Variants in NEB observed in about 807,000 individuals in gnomAD.
NEB encodes nebulin.
In NEB, 512 loss-of-function variants were observed where a neutral mutation model predicts 952.2. The observed-to-expected ratio is 0.54, with a 90% CI of 0.50 to 0.58. NEB has a LOEUF of 0.58. Among genes scored for constraint, NEB ranks in the 20% least tolerant of loss-of-function variants. The pLI is 0.00. For missense variants in NEB, 8,428 were observed against 9,231.1 expected (o/e 0.91, Z 3.56); for synonymous variants, 2,900 against 3,149.8 (o/e 0.92, Z 2.66).
In NEB at chr2:151,656,386, C is replaced by T. The variant is rs747729019; in HGVS notation, c.6262G>A (p.Val2088Ile). 3.7e-6 allele frequency: 6 copies of T among 1,613,642 alleles called. No individual in the cohort carries two copies. The Admixed American group carries it at 5.0e-5, about 13-fold the overall frequency. Residue 2088 changes from valine (V) to isoleucine (I), a missense_variant, in exon 49 of 182, where the codon GTC becomes ATC. By Grantham distance (29) the Val-to-Ile change is conservative. Around this residue, in one of 11 missense-constraint regions of NEB, gnomAD observed 2,851 missense variants for 2,791.5 expected, o/e 1.02. Coordinates refer to ENST00000397345, the MANE Select transcript of NEB (RefSeq NM_001164508.2). ...FRSLEDDPKL[V>I]HSMQVAKMQS... ...ATCTTAGCCACTTGCATGGAATGGA[C>T]TAATTTGGGATCATCCTCGAGACTG...
In NEB at chr2:151,576,020, C is replaced by T. The variant is rs1405612499; in HGVS notation, c.16908+131G>A. 10 of 773,562 alleles carry T rather than the reference C, an allele frequency of 1.3e-5. No individual in the cohort carries two copies. The South Asian group carries it at 2.0e-4, about 15-fold the overall frequency. 47.9% of individuals were successfully genotyped at this position (773,562 alleles called of 1,614,324 possible). A position where few individuals can be genotyped will look rare whatever the true frequency, so the allele number is the denominator to read the frequency against. On this transcript the variant is annotated intron_variant, in intron 106 of 181. Transcript: ENST00000397345. Reference sequence around the variant, plus strand: ...CTTAAAATTAATAAGCAAACCAAGACAATACTGTATTACTTAATAAAATTT... The same window carrying T: ...CTTAAAATTAATAAGCAAACCAAGATAATACTGTATTACTTAATAAAATTT...
intron 170 of NEB, 156 bp from the exon 171 acceptor site, chr2:151,497,874 A>C (rs2061358921): frequency 3.3e-6 from 5 of 1,503,900 alleles, no homozygotes; most frequent in Non-Finnish European, 4.4e-6. Flanking sequence ...TGTTGTTGGG[A>C]TAGGGAATCT....
chr2:151,664,948 T>C (rs1163529761), intron 42 of NEB, 85 bp from the exon 43 acceptor site: 5 of 968,748 alleles, frequency 5.2e-6, no homozygotes, highest in East Asian at 5.2e-5. Flanking sequence ...TACAACTCCA[T>C]GGTAAAAGAG....
chr2:151,676,498 A>G (rs368577765), intron 34 of NEB, among the ~76,000 whole-genome samples: 2 of 152,116 alleles, frequency 1.3e-5, no homozygotes, highest in South Asian at 4.1e-4. Context: ...CATATTCAAC[A>G]TCTCTTCTTA....
In NEB at chr2:151,697,613, T is replaced by C; in HGVS notation, c.1188A>G (p.Ala396=). The C allele has an allele frequency of 1.9e-6, 3 of 1,611,230 alleles. No homozygotes were observed. The highest frequency in any genetic ancestry group is 2.2e-5 in the South Asian group (2 of 90,198). ...LYKENYEKTK[A]KSINYCETPK... is the part of the protein sequence containing the mutation. The stretch of plus-strand genomic sequence containing the variant: ...GGGTCTCGCAGTAATTTATGCTCTT[T>C]GCTTTTGTCTTTTCATAGTTTTCCT... Residue 396 remains alanine, a synonymous_variant, in exon 14 of 182, where the codon GCA becomes GCG. Coordinates refer to ENST00000397345, the MANE Select transcript of NEB (RefSeq NM_001164508.2).
In NEB at chr2:151,546,018, AC is replaced by A. The variant is rs1460891733; in HGVS notation, c.20467-21del. Reference sequence around the variant, plus strand: ...ATTAGACTTAAAAAAAAAAAAAAAAACAGAAATACAAGTTGATTAATCATTT... The same window carrying A: ...ATTAGACTTAAAAAAAAAAAAAAAAAAGAAATACAAGTTGATTAATCATTT... On this transcript the variant is annotated intron_variant, in intron 134 of 181. Transcript: ENST00000397345. 27 of 1,335,232 alleles carry A rather than the reference AC, an allele frequency of 2.0e-5. No individual in the cohort carries two copies. Among genetic ancestry groups the A allele is most frequent in the Non-Finnish European group, 2.7e-5 (26 of 957,044 alleles). 82.7% of individuals were successfully genotyped at this position (1,335,232 alleles called of 1,614,324 possible).
chr2:151,647,652 A>G (rs902140843), intron 54 of NEB, among the ~76,000 whole-genome samples: 1 of 152,178 alleles, frequency 6.6e-6, no homozygotes, highest in Non-Finnish European at 1.5e-5. Context: ...ATCTGAGTCT[A>G]TCACAGGAAC....
chr2:151,568,174 A>G lies in NEB; in HGVS notation c.17741T>C (p.Leu5914Pro). Reference protein sequence around the residue: ...QEAARILDQYLYKEGWERQKA... With the variant: ...QEAARILDQYPYKEGWERQKA... ...TTGTCTCTCCCAGCCTTCCTTGTAG[A>G]GATACTGAAAGACAGAGCCACCATA... The change falls in exon 113 of 182, where the codon CTC (leucine) becomes CCC (proline). Residue 5914 changes from leucine (L) to proline (P), a missense_variant. By Grantham distance (98) the Leu-to-Pro change is moderately conservative (BLOSUM62 -3). Transcript: ENST00000397345. 1 of 1,612,666 alleles carries G rather than the reference A, an allele frequency of 6.2e-7. No individual in the cohort carries two copies. The highest frequency in any genetic ancestry group is 8.5e-7 in the Non-Finnish European group (1 of 1,179,098).
At chr2:151,564,075 G>T in intron 117 of NEB, 145 bp from the exon 118 acceptor site, 1 of 510,572 alleles carries the variant, frequency 2.0e-6, no homozygotes, top group Non-Finnish European at 3.5e-6. Flanking sequence ...CATCTACCTA[G>T]AATAGGGCAG....
rs2152617856 is a variant in NEB, at chr2:151,485,856, T to G, written c.25482A>C (p.Ile8494=). The G allele has an allele frequency of 1.2e-6, 2 of 1,614,038 alleles. No individual in the cohort carries two copies. Among genetic ancestry groups the G allele is most frequent in the Non-Finnish European group, 8.5e-7 (1 of 1,179,876 alleles). ...AGCCTTCATCAATTGCTTGAACATT[T>G]ATGATGGCATCTCCATCCTTGAAGG... ...EVSFKDGDAI[I]NVQAIDEGWM... is the part of the protein sequence containing the mutation. The change falls in exon 182 of 182, where the codon ATA becomes ATC. Residue 8494 remains isoleucine (I), a synonymous_variant. Coordinates refer to ENST00000397345, the MANE Select transcript of NEB (RefSeq NM_001164508.2).
At position 151,501,528 on chromosome 2, in the gene NEB, T is replaced by C. The variant is rs115394251; in HGVS notation, c.23929-45A>G. Reference sequence around the variant, plus strand: ...AAACAAATCAACCTGGACCCATCATTTTTTAGGTAGACTTAACCTAAAAAA... The same window carrying C: ...AAACAAATCAACCTGGACCCATCATCTTTTAGGTAGACTTAACCTAAAAAA... On this transcript the variant is annotated intron_variant, in intron 167 of 181. Coordinates refer to ENST00000397345, the MANE Select transcript of NEB (RefSeq NM_001164508.2). 0.011 allele frequency: 13,075 copies of C among 1,155,992 alleles called. 657 individuals are homozygous for C. The East Asian group carries it at 0.14, about 12-fold the overall frequency. 71.6% of individuals were successfully genotyped at this position (1,155,992 alleles called of 1,614,324 possible).
intron 171 of NEB, 69 bp from the exon 172 acceptor site, chr2:151,497,102 G>A (rs923412029): frequency 1.3e-6 from 2 of 1,506,270 alleles, no homozygotes; most frequent in African/African-American, 1.4e-5. Context: ...GGTTTTAAGG[G>A]TAAGGTCAGC....
intron 55 of NEB, among the ~76,000 whole-genome samples, chr2:151,645,297 T>A (rs537285801): frequency 1.3e-5 from 2 of 152,248 alleles, no homozygotes; most frequent in East Asian, 1.9e-4. Context: ...GCCTAAGGGG[T>A]TATCTCTTCT....
chr2:151,671,340 C>A, intron 37 of NEB, 111 bp from the exon 38 acceptor site: 3 of 847,174 alleles, frequency 3.5e-6, no homozygotes, highest in Non-Finnish European at 5.5e-6. Context: ...TCAGCATGCT[C>A]ATGTCTGACT....
intron 10 of NEB, among the ~76,000 whole-genome samples, chr2:151,710,777 T>C (rs1007797165): frequency 2.6e-5 from 4 of 152,160 alleles, no homozygotes; most frequent in Non-Finnish European, 4.4e-5. Flanking sequence ...CTTGCTGAGT[T>C]TGGGGACTTC....
rs1485418922 is a variant in NEB, at chr2:151,687,704, G to T, written c.2445C>A (p.Ser815Arg). The change falls in exon 26 of 182, where the codon AGC becomes AGA. Residue 815 changes from serine (S) to arginine (R), a missense_variant. Around this residue, in one of 11 missense-constraint regions of NEB, gnomAD observed 2,851 missense variants for 2,791.5 expected, o/e 1.02. Transcript: ENST00000397345. Reference sequence around the variant, plus strand: ...CTTTAATGTCAAACTTCTTGGCTTTGCTCTTCTCCCAGTCTTGCTTATAAA... The same window carrying T: ...CTTTAATGTCAAACTTCTTGGCTTTTCTCTTCTCCCAGTCTTGCTTATAAA... The part of the protein sequence containing the change: ...DNVYKQDWEK[S>R]KAKKFDIKVD... The T allele has an allele frequency of 6.3e-7, 1 of 1,596,152 alleles. No individual in the cohort carries two copies. Among genetic ancestry groups the T allele is most frequent in the Non-Finnish European group, 8.5e-7 (1 of 1,170,374 alleles).
intron 10 of NEB, chr2:151,716,011 C>A: frequency 3.8e-6 from 1 of 261,262 alleles, no homozygotes; most frequent in Non-Finnish European, 7.7e-6. Flanking sequence ...TTTAAATAAA[C>A]ATTTAAAAAT....
rs2076001059 is a variant in NEB, at chr2:151,513,615, TAAAATCCGG to T, written c.23197_23205del (p.Pro7733_Phe7735del). The T allele has an allele frequency of 1.9e-6, 3 of 1,610,018 alleles. No individual in the cohort carries two copies. The Admixed American group carries it at 5.0e-5, about 27-fold the overall frequency. On this transcript the variant is annotated inframe_deletion, in exon 160 of 182. Transcript: ENST00000397345. Reference sequence around the variant, plus strand: ...ATATCAGTAGCATTCCTGGCCCTCATAAAATCCGGAGTTTCATTGGCCATGGCATTCAGG... The same window carrying T: ...ATATCAGTAGCATTCCTGGCCCTCATAGTTTCATTGGCCATGGCATTCAGG...
chr2:151,672,657 C>T lies in NEB; in HGVS notation c.4011G>A (p.Glu1337=), dbSNP rs1314762146. 5 of 1,613,532 alleles carry T rather than the reference C, an allele frequency of 3.1e-6. No individual in the cohort carries two copies. The highest frequency in any genetic ancestry group is 4.2e-6 in the Non-Finnish European group (5 of 1,179,646). Residue 1337 remains glutamate (E), a synonymous_variant, in exon 37 of 182, where the codon GAG becomes GAA. Transcript: ENST00000397345. ...ASDYKYKEAY[E]KSKGKHVGFR... is the part of the protein sequence containing the mutation. ...AACCCACATGCTTTCCCTTTGACTT[C>T]TCATAAGCTTCCTTGTATTTATACT...
Sources: gnomAD v4.1 joint callset for allele counts (sites outside exome capture counted in the v4.1 genomes callset) on GRCh38, gnomAD v4.1.1 for gene constraint, gnomAD v4.1.1 regional missense constraint, MANE v1.5 for transcripts, NCBI Gene and HGNC (gene_info 2026-07-23, HGNC 2026-07-21) for gene names.